The following RSRC1 variants were observed in gnomAD, a reference collection of about 807,000 sequenced individuals.
RSRC1 encodes serine/Arginine-related protein 53.
Under a neutral mutation model 49.1 loss-of-function variants are expected in RSRC1, and 39 were observed. The observed-to-expected ratio is 0.79, with a 90% CI of 0.61 to 1.04. The LOEUF (loss-of-function observed/expected upper bound fraction) is 1.04, where lower values mean the gene tolerates loss of function less well. Among genes scored for constraint, RSRC1 ranks in the 50% least tolerant of loss-of-function variants. The probability of loss-of-function intolerance (pLI) is 0.00; values close to 1 mark genes in which losing one functional copy is unlikely to be tolerated. For missense variants in RSRC1, 388 were observed against 402.4 expected (o/e 0.96, Z 0.31); for synonymous variants, 143 against 130.8 (o/e 1.09, Z -0.63).
intron 3 of RSRC1, among the ~76,000 whole-genome samples, chr3:158,151,228 G>A (rs1717519478): frequency 2.0e-5 from 3 of 152,190 alleles, no homozygotes; most frequent in Non-Finnish European, 4.4e-5. Flanking sequence ...GGGTAAATCT[G>A]TGTATATTTT....
chr3:158,487,987 G>A (rs538187151), intron 7 of RSRC1, among the ~76,000 whole-genome samples: 1 of 110,098 alleles, frequency 9.1e-6, no homozygotes, highest in East Asian at 2.2e-4. Flanking sequence ...GGCTGAATGG[G>A]TTTCAGTAAC....
chr3:158,178,581 T>C (rs1261056472), intron 3 of RSRC1, among the ~76,000 whole-genome samples: 1 of 152,254 alleles, frequency 6.6e-6, no homozygotes, highest in African/African-American at 2.4e-5. Flanking sequence ...TTTCTAATCA[T>C]TAATTTTTGC....
intron 3 of RSRC1, among the ~76,000 whole-genome samples, chr3:158,167,400 A>C (rs766065820): frequency 6.6e-6 from 1 of 152,122 alleles, no homozygotes; most frequent in Non-Finnish European, 1.5e-5. Flanking sequence ...CATGTTGCCT[A>C]GGCTGGTCTC....
chr3:158,426,275 C>T (rs1735435452), intron 6 of RSRC1, among the ~76,000 whole-genome samples: 1 of 151,364 alleles, frequency 6.6e-6, no homozygotes, highest in South Asian at 2.1e-4. Flanking sequence ...AAAGATATAA[C>T]ACATACTGGG....
chr3:158,121,732 TA>T (rs1356596091), intron 1 of RSRC1, among the ~76,000 whole-genome samples: 1 of 152,198 alleles, frequency 6.6e-6, no homozygotes, highest in Non-Finnish European at 1.5e-5. Context: ...AAATATAACT[TA>T]AAATATCAGA....
At chr3:158,434,948 A>G (rs1735970045) in intron 6 of RSRC1, among the ~76,000 whole-genome samples, 1 of 151,980 alleles carries the variant, frequency 6.6e-6, no homozygotes, top group African/African-American at 2.4e-5. Flanking sequence ...TACTGAAAAG[A>G]GATGGGATGA....
chr3:158,179,808 C>T (rs183536004), intron 3 of RSRC1, among the ~76,000 whole-genome samples: 156 of 152,186 alleles, frequency 1.0e-3, no homozygotes, highest in African/African-American at 3.3e-3. Flanking sequence ...TAATAAAGTG[C>T]CAAACTATTT....
chr3:158,470,748 T>C (rs1738101427), intron 7 of RSRC1, among the ~76,000 whole-genome samples: 1 of 152,178 alleles, frequency 6.6e-6, no homozygotes, highest in South Asian at 2.1e-4. Context: ...ATTCTTAACA[T>C]TTCCACCCTA....
chr3:158,267,700 ATC>A (rs1725269274), intron 4 of RSRC1, among the ~76,000 whole-genome samples: 1 of 151,754 alleles, frequency 6.6e-6, no homozygotes, highest in African/African-American at 2.4e-5. Flanking sequence ...TAGTTTCCAT[ATC>A]TCTGATGAGA....
intron 6 of RSRC1, among the ~76,000 whole-genome samples, chr3:158,363,857 G>T (rs1326893419): frequency 6.6e-6 from 1 of 152,092 alleles, no homozygotes; most frequent in Non-Finnish European, 1.5e-5. Context: ...AATGTTTTAT[G>T]ATTTTTTTCT....
At chr3:158,118,464 C>CGT (rs1559906596) in intron 1 of RSRC1, among the ~76,000 whole-genome samples, 3 of 44,916 alleles carry the variant, frequency 6.7e-5, no homozygotes, top group East Asian at 1.2e-3. Flanking sequence ...TGTGTGTGTG[C>CGT]GCGTGCGCGT....
At chr3:158,478,975 C>CA (rs1738499868) in intron 7 of RSRC1, among the ~76,000 whole-genome samples, 2 of 136,444 alleles carry the variant, frequency 1.5e-5, no homozygotes, top group Non-Finnish European at 3.2e-5. Flanking sequence ...ACCTTACTGA[C>CA]AAAAATAAAA....
At chr3:158,472,745 C>T (rs1052203844) in intron 7 of RSRC1, among the ~76,000 whole-genome samples, 1 of 152,060 alleles carries the variant, frequency 6.6e-6, no homozygotes, top group African/African-American at 2.4e-5. Flanking sequence ...GGTATTAGTC[C>T]TTTGTCAGAT....
chr3:158,231,723 A>G (rs1028246612), intron 4 of RSRC1, among the ~76,000 whole-genome samples: 3 of 152,158 alleles, frequency 2.0e-5, no homozygotes, highest in Admixed American at 2.0e-4. Context: ...GAGTCAGAGT[A>G]TTATTGAGAC....
At chr3:158,507,953 A>G (rs1185302477) in intron 7 of RSRC1, among the ~76,000 whole-genome samples, 1 of 152,086 alleles carries the variant, frequency 6.6e-6, no homozygotes, top group Non-Finnish European at 1.5e-5. Flanking sequence ...CACGCCTGCA[A>G]TCCTAGCTAC....
At chr3:158,194,811 A>G (rs1421591224) in intron 3 of RSRC1, among the ~76,000 whole-genome samples, 1 of 151,814 alleles carries the variant, frequency 6.6e-6, no homozygotes, top group African/African-American at 2.4e-5. Context: ...CCATGTCCCT[A>G]CAAAGGACAT....
chr3:158,235,569 T>A (rs1016865692), intron 4 of RSRC1, among the ~76,000 whole-genome samples: 1 of 152,198 alleles, frequency 6.6e-6, no homozygotes, highest in Non-Finnish European at 1.5e-5. Context: ...GCATATGTCA[T>A]ACAAAATGAT....
chr3:158,165,080 A>G (rs1429071593), intron 3 of RSRC1, among the ~76,000 whole-genome samples: 1 of 152,204 alleles, frequency 6.6e-6, no homozygotes, highest in Non-Finnish European at 1.5e-5. Context: ...CCTTATGGCT[A>G]GTTAGGGTTT....
intron 6 of RSRC1, among the ~76,000 whole-genome samples, chr3:158,441,908 G>A (rs763062360): frequency 1.3e-5 from 2 of 151,914 alleles, no homozygotes; most frequent in Non-Finnish European, 2.9e-5. Context: ...AGATACTGTG[G>A]GTTTGATTCC....
Sources: allele counts gnomAD v4.1 joint callset (sites outside exome capture counted in the v4.1 genomes callset), GRCh38; gene constraint gnomAD v4.1.1; transcripts MANE v1.5; gene names NCBI Gene and HGNC (gene_info 2026-07-23, HGNC 2026-07-21).